Variants in SLC30A9 observed in about 807,000 individuals in gnomAD.
SLC30A9 encodes proton-coupled zinc antiporter SLC30A9, mitochondrial.
In SLC30A9, 58 loss-of-function variants were observed where a neutral mutation model predicts 87.5. The observed-to-expected ratio is 0.66, with a 90% confidence interval of 0.54 to 0.82. SLC30A9 has a LOEUF of 0.82. Among genes scored for constraint, SLC30A9 ranks in the 40% least tolerant of loss-of-function variants. SLC30A9 has a pLI of 0.00. For synonymous variants in SLC30A9, 234 were observed against 233.0 expected (o/e 1.00, Z -0.04); for missense variants, 557 against 679.1 (o/e 0.82, Z 2.00).
chr4:42,034,439 C>A (rs555105278), intron 6 of SLC30A9, among the ~76,000 whole-genome samples: 1 of 84,608 alleles, frequency 1.2e-5, no homozygotes, highest in Non-Finnish European at 3.3e-5. Flanking sequence ...CCTGCCACCC[C>A]CCGGTCCCTG....
chr4:42,043,431 T>C (rs1717004119), intron 8 of SLC30A9, among the ~76,000 whole-genome samples: 1 of 151,928 alleles, frequency 6.6e-6, no homozygotes, highest in African/African-American at 2.4e-5. Flanking sequence ...CATACACAAG[T>C]ATCAATAGCC....
Position 42,087,525 on chromosome 4 carries a change from G to A in SLC30A9, c.*1399G>A, listed in dbSNP as rs185352786. ...AAATAAATCCTTGGTTAAAGGGTTT[G>A]TAATGGTGATTTTTGACCCAGAAAT... On this transcript the variant is annotated 3_prime_UTR_variant, in exon 18 of 18. Transcript: ENST00000264451. The A allele has an allele frequency of 1.3e-5, 2 of 151,368 alleles. No individual in the cohort carries two copies. The highest frequency in any genetic ancestry group is 6.6e-5 in the Admixed American group (1 of 15,226). 9.4% of individuals were successfully genotyped at this position (151,368 alleles called of 1,614,324 possible).
chr4:42,059,249 T>C (rs985196300), intron 9 of SLC30A9, among the ~76,000 whole-genome samples: 1 of 152,150 alleles, frequency 6.6e-6, no homozygotes, highest in African/African-American at 2.4e-5. Context: ...CAACTAAAAT[T>C]ACATAGGGAA....
intron 4 of SLC30A9, 25 bp downstream of exon 4, chr4:42,020,540 G>A (rs767312416): frequency 2.7e-5 from 33 of 1,229,068 alleles, no homozygotes; most frequent in African/African-American, 1.3e-4. Context: ...AAATGTAGCC[G>A]TGTGTCATAT....
chr4:42,077,784 C>G (rs1380212213), intron 16 of SLC30A9, among the ~76,000 whole-genome samples: 2 of 151,030 alleles, frequency 1.3e-5, no homozygotes, highest in Non-Finnish European at 3.0e-5. Flanking sequence ...TAATCTTTTC[C>G]TCTGTGCTTT....
At chr4:42,064,238 G>C (rs898632310) in intron 11 of SLC30A9, among the ~76,000 whole-genome samples, 1 of 152,304 alleles carries the variant, frequency 6.6e-6, no homozygotes, top group South Asian at 2.1e-4. Context: ...TGTGGAGCTA[G>C]CATGTAGTCT....
intron 8 of SLC30A9, among the ~76,000 whole-genome samples, chr4:42,040,813 A>G (rs934234732): frequency 6.7e-6 from 1 of 150,312 alleles, no homozygotes; most frequent in African/African-American, 2.4e-5. Context: ...AAAAAAAAGA[A>G]AAAGAAAAAG....
At chr4:41,995,459 A>C (rs1171364744) in intron 1 of SLC30A9, among the ~76,000 whole-genome samples, 1 of 152,112 alleles carries the variant, frequency 6.6e-6, no homozygotes, top group African/African-American at 2.4e-5. Flanking sequence ...AACGAGGTGG[A>C]TGGTTTCCAC....
In SLC30A9 at chr4:42,089,212, CA is replaced by C. The variant is rs1317864546; in HGVS notation, c.*3087del. 6.6e-6 allele frequency: 1 copy of C among 152,120 alleles called. No individual in the cohort carries two copies. Among genetic ancestry groups the C allele is most frequent in the Non-Finnish European group, 1.5e-5 (1 of 68,046 alleles). The allele number at this position is 152,120 out of a possible 1,614,324, so 9.4% of individuals were successfully genotyped here. ...TAGGATTTATCAAAGGTGAGGTATA[CA>C]GTGGTCCCTGACTTATAATGGTTGC... On this transcript the variant is annotated 3_prime_UTR_variant, in exon 18 of 18. Coordinates refer to ENST00000264451, the MANE Select transcript of SLC30A9 (RefSeq NM_006345.4).
intron 6 of SLC30A9, among the ~76,000 whole-genome samples, chr4:42,033,084 C>T (rs191138277): frequency 2.4e-3 from 361 of 152,188 alleles, no homozygotes; most frequent in Non-Finnish European, 3.7e-3. Flanking sequence ...GTGTTAAAGT[C>T]ACTTAAAATT....
chr4:42,020,335 C>T (rs73810480), intron 3 of SLC30A9, 81 bp from the exon 4 acceptor site: 13,468 of 641,798 alleles, frequency 0.021, 209 homozygotes, highest in African/African-American at 0.045. Flanking sequence ...TTAGTGAAGC[C>T]TCTTAAGTAT....
intron 8 of SLC30A9, among the ~76,000 whole-genome samples, chr4:42,040,295 T>C (rs1053324283): frequency 6.6e-6 from 1 of 152,186 alleles, no homozygotes; most frequent in Non-Finnish European, 1.5e-5. Flanking sequence ...GCTTTTCTCA[T>C]TGGAGGGATG....
At chr4:42,080,851 A>G (rs761820302) in intron 17 of SLC30A9, among the ~76,000 whole-genome samples, 4 of 152,228 alleles carry the variant, frequency 2.6e-5, no homozygotes, top group Non-Finnish European at 5.9e-5. Flanking sequence ...TTACCCATGC[A>G]TGATTCTATA....
chr4:42,045,188 A>G (rs13144755), intron 8 of SLC30A9, among the ~76,000 whole-genome samples: 99,184 of 151,974 alleles, frequency 0.65, 36,853 homozygotes, highest in East Asian at 0.96. Flanking sequence ...AAATGCTAGC[A>G]GAAGACAAGA....
Position 42,033,853 on chromosome 4 carries a change from G to A in SLC30A9, c.611-1422G>A, listed in dbSNP as rs576883707. On this transcript the variant is annotated intron_variant, in intron 6 of 17. Coordinates refer to ENST00000264451, the MANE Select transcript of SLC30A9 (RefSeq NM_006345.4). ...GCCTCCCAAAGTGCTGGGATTACAG[G>A]CATGAGCCACCGTGCCCGGCTGCTC... Among the ~76,000 whole-genome samples the A allele has an allele frequency of 9.2e-5, 14 of 152,278 alleles. No homozygotes were observed. In the South Asian group the frequency reaches 2.3e-3, roughly 25 times the overall value.
At chr4:42,011,753 A>C (rs1715455154) in intron 2 of SLC30A9, among the ~76,000 whole-genome samples, 1 of 152,242 alleles carries the variant, frequency 6.6e-6, no homozygotes, top group South Asian at 2.1e-4. Flanking sequence ...AGGTTAAATG[A>C]AGGACTCATA....
chr4:42,084,293 A>G (rs1718841643), intron 17 of SLC30A9, among the ~76,000 whole-genome samples: 2 of 152,142 alleles, frequency 1.3e-5, no homozygotes, highest in Admixed American at 1.3e-4. Context: ...ATTTCTGCAT[A>G]AAAGTCTTAT....
rs371550153 is a variant in SLC30A9 at position 42,045,716 on chromosome 4, G to A, written c.738-3661G>A. On this transcript the variant is annotated intron_variant, in intron 8 of 17. Coordinates refer to ENST00000264451, the MANE Select transcript of SLC30A9 (RefSeq NM_006345.4). The stretch of plus-strand genomic sequence containing the variant: ...GAAAAGAAGGACTCCTCCTCAACTC[G>A]TTTTATGAGGCCAGCATCATCCTGA... Among the ~76,000 whole-genome samples the A allele has an allele frequency of 7.9e-5, 12 of 152,092 alleles. No individual in the cohort carries two copies. In the South Asian group the frequency reaches 2.5e-3, roughly 32 times the overall value.
rs1719043775 is a variant in SLC30A9, at chr4:42,090,005, C to T, written c.*3879C>T. 1 of 152,104 alleles carries T rather than the reference C, an allele frequency of 6.6e-6. No individual in the cohort carries two copies. Among genetic ancestry groups the T allele is most frequent in the Admixed American group, 6.5e-5 (1 of 15,270 alleles). The allele number at this position is 152,104 out of a possible 1,614,324, so 9.4% of individuals were successfully genotyped here. A position where few individuals can be genotyped will look rare whatever the true frequency, so the allele number is the denominator to read the frequency against. On this transcript the variant is annotated 3_prime_UTR_variant, in exon 18 of 18. Coordinates refer to ENST00000264451, the MANE Select transcript of SLC30A9 (RefSeq NM_006345.4). ...TAAAATGATAACCATCTAAAGAGTG[C>T]CTAAGTTTTAAGTCTCGTAACTTTT... is the stretch of plus-strand genomic sequence containing the variant.
Sources: allele counts gnomAD v4.1 joint callset (sites outside exome capture counted in the v4.1 genomes callset), GRCh38; gene constraint gnomAD v4.1.1; transcripts MANE v1.5; gene names NCBI Gene and HGNC (gene_info 2026-07-23, HGNC 2026-07-21).